Variants in SCFD2 observed in about 807,000 individuals in gnomAD.
SCFD2 encodes the protein sec1 family domain containing 2.
A neutral mutation model predicts 58.9 loss-of-function variants in SCFD2; 54 were observed. The observed-to-expected ratio is 0.92, with a 90% CI of 0.74 to 1.15. SCFD2 has a LOEUF of 1.15. SCFD2 is among the 50% of genes most tolerant of loss of function. SCFD2 has a pLI of 0.00. For synonymous variants in SCFD2, 321 were observed against 335.9 expected (o/e 0.96, Z 0.49); for missense variants, 805 against 836.6 (o/e 0.96, Z 0.47).
At position 53,118,663 on chromosome 4, in the gene SCFD2, G is replaced by A. The variant is rs183257830; in HGVS notation, c.1561+26670C>T. Among the ~76,000 whole-genome samples, 648 of 152,128 alleles carry A rather than the reference G, an allele frequency of 4.3e-3. 5 individuals carry two copies. The highest frequency in any genetic ancestry group is 0.015 in the African/African-American group (610 of 41,510). On this transcript the variant is annotated intron_variant, in intron 5 of 8. Transcript: ENST00000401642. ...TGATCCCACCCACCACCCAGAGGGC[G>A]GGACACAAATGACTTCTGATTTACA...
At chr4:53,133,973 C>T (rs1311339521) in intron 5 of SCFD2, among the ~76,000 whole-genome samples, 3 of 152,026 alleles carry the variant, frequency 2.0e-5, no homozygotes, top group Non-Finnish European at 4.4e-5. Flanking sequence ...GCCAATATCT[C>T]TTTGAAAAAA....
At chr4:53,223,511 C>T (rs911742817) in intron 4 of SCFD2, among the ~76,000 whole-genome samples, 1 of 152,222 alleles carries the variant, frequency 6.6e-6, no homozygotes, top group African/African-American at 2.4e-5. Context: ...CTGCAACATG[C>T]TATGCGCTAT....
intron 4 of SCFD2, among the ~76,000 whole-genome samples, chr4:53,223,847 C>G (rs1486298415): frequency 2.0e-5 from 3 of 152,168 alleles, no homozygotes; most frequent in Non-Finnish European, 4.4e-5. Context: ...AGGTTATAAA[C>G]TTAATATATA....
chr4:52,879,160 C>A (rs1718546795), intron 8 of SCFD2, among the ~76,000 whole-genome samples: 1 of 152,150 alleles, frequency 6.6e-6, no homozygotes. Flanking sequence ...CAGTGGTCAG[C>A]CTCCTTCTCA....
At chr4:53,253,541 A>T (rs1560413573) in intron 4 of SCFD2, among the ~76,000 whole-genome samples, 1 of 152,110 alleles carries the variant, frequency 6.6e-6, no homozygotes, top group Non-Finnish European at 1.5e-5. Flanking sequence ...CATATACACC[A>T]TGGAATACTA....
intron 5 of SCFD2, among the ~76,000 whole-genome samples, chr4:53,002,805 A>G (rs1721891290): frequency 6.6e-6 from 1 of 152,198 alleles, no homozygotes; most frequent in African/African-American, 2.4e-5. Flanking sequence ...TAAGGAAAAG[A>G]GGTTTAATTG....
At chr4:53,296,157 G>A (rs1313958301) in intron 3 of SCFD2, among the ~76,000 whole-genome samples, 1 of 152,208 alleles carries the variant, frequency 6.6e-6, no homozygotes, top group Non-Finnish European at 1.5e-5. Context: ...CTCATAAAAT[G>A]AGTTAGGGAG....
intron 2 of SCFD2, among the ~76,000 whole-genome samples, chr4:53,317,810 A>G (rs908675513): frequency 2.0e-5 from 3 of 152,168 alleles, no homozygotes; most frequent in Admixed American, 6.5e-5. Context: ...CCTCTCCTAA[A>G]TGGGGATGGT....
chr4:53,327,916 G>A (rs1733261577), intron 2 of SCFD2, among the ~76,000 whole-genome samples: 1 of 152,050 alleles, frequency 6.6e-6, no homozygotes, highest in South Asian at 2.1e-4. Context: ...GGATCATGAG[G>A]TCAGGAGATC....
intron 5 of SCFD2, among the ~76,000 whole-genome samples, chr4:52,992,794 G>C (rs573101131): frequency 6.6e-6 from 1 of 151,954 alleles, no homozygotes; most frequent in South Asian, 2.1e-4. Flanking sequence ...CCGCCAGGCA[G>C]CCGCCCCGTC....
At position 53,002,972 on chromosome 4, in the gene SCFD2, T is replaced by C. The variant is rs80002190; in HGVS notation, c.1562-82102A>G. On this transcript the variant is annotated intron_variant, in intron 5 of 8. Transcript: ENST00000401642. Reference sequence around the variant, plus strand: ...GAGAGGTGGGAGGTGCTACACACTTTTAAATAACCAGATCTCATGACAATT... The same window carrying C: ...GAGAGGTGGGAGGTGCTACACACTTCTAAATAACCAGATCTCATGACAATT... Among the ~76,000 whole-genome samples the C allele has an allele frequency of 8.1e-4, 123 of 152,152 alleles. 2 individuals carry two copies. In the East Asian group the frequency reaches 0.021, roughly 27 times the overall value.
intron 5 of SCFD2, among the ~76,000 whole-genome samples, chr4:53,129,041 G>A (rs1725712529): frequency 6.6e-6 from 1 of 152,142 alleles, no homozygotes. Context: ...TCATTTTACA[G>A]TATAATTTGG....
At chr4:53,210,039 A>G (rs1346636882) in intron 4 of SCFD2, among the ~76,000 whole-genome samples, 1 of 152,122 alleles carries the variant, frequency 6.6e-6, no homozygotes, top group East Asian at 1.9e-4. Context: ...ATGGATAAGA[A>G]GACTTCAACT....
intron 7 of SCFD2, among the ~76,000 whole-genome samples, chr4:52,906,344 G>C (rs1437085833): frequency 6.6e-6 from 1 of 152,206 alleles, no homozygotes; most frequent in Admixed American, 6.5e-5. Flanking sequence ...TGAAAGAAAA[G>C]AATGCTCAAG....
chr4:53,217,921 T>A (rs1728907400), intron 4 of SCFD2, among the ~76,000 whole-genome samples: 1 of 152,236 alleles, frequency 6.6e-6, no homozygotes, highest in African/African-American at 2.4e-5. Flanking sequence ...TGGCTGGATA[T>A]GAAATTCTGG....
At chr4:53,096,544 T>G (rs538101679) in intron 5 of SCFD2, among the ~76,000 whole-genome samples, 30 of 152,092 alleles carry the variant, frequency 2.0e-4, no homozygotes, top group Admixed American at 9.2e-4. Context: ...TCATATCCTT[T>G]GCCCACTTTT....
chr4:52,927,177 CTT>C (rs1271466292), intron 5 of SCFD2, among the ~76,000 whole-genome samples: 1 of 152,136 alleles, frequency 6.6e-6, no homozygotes, highest in African/African-American at 2.4e-5. Context: ...CAATCTCTCT[CTT>C]ACAAACATTT....
At chr4:52,910,152 A>G (rs1489388222) in intron 6 of SCFD2, among the ~76,000 whole-genome samples, 1 of 152,264 alleles carries the variant, frequency 6.6e-6, no homozygotes, top group Non-Finnish European at 1.5e-5. Flanking sequence ...CTTGCAGCTG[A>G]CTATAGCCAT....
chr4:53,004,819 T>C (rs1420942785), intron 5 of SCFD2, among the ~76,000 whole-genome samples: 1 of 152,076 alleles, frequency 6.6e-6, no homozygotes, highest in African/African-American at 2.4e-5. Context: ...CTGCTTATGG[T>C]TGGGGGTATT....
Sources: gnomAD v4.1 joint callset for allele counts (sites outside exome capture counted in the v4.1 genomes callset) on GRCh38, gnomAD v4.1.1 for gene constraint, MANE v1.5 for transcripts, NCBI Gene and HGNC (gene_info 2026-07-23, HGNC 2026-07-21) for gene names.